Variants in C12orf56 observed in about 807,000 individuals in gnomAD.
C12orf56 encodes uncharacterized protein C12orf56.
Under a neutral mutation model 69.9 loss-of-function variants are expected in C12orf56, and 71 were observed. That is an observed-to-expected ratio of 1.02 (90% CI 0.84 to 1.24). The LOEUF is 1.24. Among genes scored for constraint, C12orf56 ranks in the 50% most tolerant of loss-of-function variants. The probability of loss-of-function intolerance (pLI) is 0.00; values close to 1 mark genes in which losing one functional copy is unlikely to be tolerated. For missense variants in C12orf56, 732 were observed against 738.5 expected, an observed-to-expected ratio of 0.99 and a Z score of 0.10; for synonymous variants, 276 against 274.1, an observed-to-expected ratio of 1.01 and a Z score of -0.07.
At chr12:64,307,368 C>CTTCT (rs1555188019) in intron 5 of C12orf56, among the ~76,000 whole-genome samples, 4 of 115,264 alleles carry the variant, frequency 3.5e-5, no homozygotes, top group Non-Finnish European at 5.1e-5. Flanking sequence ...ATAGTCAGTC[C>CTTCT]TTTTTTTTTT....
intron 11 of C12orf56, among the ~76,000 whole-genome samples, chr12:64,272,916 C>G (rs1865796): frequency 0.99 from 150,106 of 152,302 alleles, 74,009 homozygotes; most frequent in Middle Eastern, 1. Flanking sequence ...TCTGACAAGA[C>G]AGTCTAGATC....
At chr12:64,362,264 G>A (rs1327148364) in intron 1 of C12orf56, among the ~76,000 whole-genome samples, 1 of 152,036 alleles carries the variant, frequency 6.6e-6, no homozygotes, top group Non-Finnish European at 1.5e-5. Context: ...GTAATATTTG[G>A]CCTAAGACTT....
chr12:64,379,579 C>T (rs188137244), intron 1 of C12orf56, among the ~76,000 whole-genome samples: 16 of 151,782 alleles, frequency 1.1e-4, no homozygotes, highest in African/African-American at 3.6e-4. Flanking sequence ...AGCCACCGCG[C>T]CCAGCCTGAA....
At chr12:64,338,901 A>C in intron 2 of C12orf56, 1 of 562,910 alleles carries the variant, frequency 1.8e-6, no homozygotes, top group Non-Finnish European at 3.3e-6. Flanking sequence ...GGTTTCCTTT[A>C]CTTTTTGAGA....
In C12orf56 at chr12:64,324,576, G is replaced by A. The variant is rs535658765; in HGVS notation, c.489-5596C>T. 3.9e-4 allele frequency among the ~76,000 whole-genome samples: 59 copies of A among 152,338 alleles called. 2 individuals carry two copies. The highest frequency in any genetic ancestry group is 3.3e-3 in the Admixed American group (51 of 15,298). The stretch of plus-strand genomic sequence containing the variant: ...TTTGCAGTGCTCCAACTATTGAGAT[G>A]AACAAGAGAAGTAAGAGGTGAAGCT... On this transcript the variant is annotated intron_variant, in intron 3 of 12. Coordinates refer to ENST00000543942, the MANE Select transcript of C12orf56 (RefSeq NM_001170633.2).
intron 5 of C12orf56, 26 bp from the exon 6 acceptor site, chr12:64,303,805 A>G (rs1319042937): frequency 5.1e-6 from 8 of 1,555,296 alleles, no homozygotes; most frequent in Middle Eastern, 1.7e-4. Context: ...AAAATTTTCC[A>G]CTTAAAAAAA....
chr12:64,330,910 A>C (rs1457547672), intron 3 of C12orf56, 50 bp downstream of exon 3: 2 of 1,424,462 alleles, frequency 1.4e-6, no homozygotes, highest in South Asian at 2.7e-5. Flanking sequence ...TTACAATGTA[A>C]AAATGTTTTG....
At chr12:64,388,075 T>G (rs371966829) in intron 1 of C12orf56, among the ~76,000 whole-genome samples, 42 of 152,040 alleles carry the variant, frequency 2.8e-4, no homozygotes, top group African/African-American at 9.9e-4. Context: ...GCTCAAGTGA[T>G]CCTCCTGCCT....
intron 1 of C12orf56, among the ~76,000 whole-genome samples, chr12:64,388,764 G>A (rs755503787): frequency 7.2e-5 from 11 of 152,162 alleles, no homozygotes; most frequent in Non-Finnish European, 1.6e-4. Flanking sequence ...GGCTGATGTG[G>A]GAGGATCGCT....
chr12:64,358,479 A>ATCATCATCATC (rs1565773423), intron 1 of C12orf56, among the ~76,000 whole-genome samples: 1,272 of 24,984 alleles, frequency 0.051, 22 homozygotes, highest in African/African-American at 0.075. Context: ...TAATAATAAT[A>ATCATCATCATC]ATAATCATCA....
In C12orf56 at chr12:64,390,377, G is replaced by A. The variant is rs373092906; in HGVS notation, c.189C>T (p.Thr63=). 2 of 1,613,154 alleles carry A rather than the reference G, an allele frequency of 1.2e-6. No individual in the cohort carries two copies. Among genetic ancestry groups the A allele is most frequent in the Middle Eastern group, 3.3e-4 (2 of 6,058 alleles). Residue 63 remains threonine (T), a synonymous_variant, in exon 1 of 13, where the codon ACC becomes ACT. Transcript: ENST00000543942. ...VVLSDRLVYL[T]ENPPKSIRRV... The stretch of plus-strand genomic sequence containing the variant: ...GCCGGATGGACTTGGGCGGGTTCTC[G>A]GTTAGGTAGACGAGCCGGTCGCTTA...
At chr12:64,386,954 C>T (rs867183707) in intron 1 of C12orf56, among the ~76,000 whole-genome samples, 95 of 151,532 alleles carry the variant, frequency 6.3e-4, no homozygotes, top group Non-Finnish European at 1.3e-4. Context: ...TGGTGCGTGC[C>T]TGTAGTCCCA....
intron 2 of C12orf56, among the ~76,000 whole-genome samples, chr12:64,340,464 A>G (rs2136883042): frequency 6.6e-6 from 1 of 152,224 alleles, no homozygotes; most frequent in Middle Eastern, 3.4e-3. Flanking sequence ...ATCATACATA[A>G]CCTTCAAATA....
At chr12:64,378,535 G>A (rs1373257117) in intron 1 of C12orf56, among the ~76,000 whole-genome samples, 1 of 152,050 alleles carries the variant, frequency 6.6e-6, no homozygotes, top group African/African-American at 2.4e-5. Context: ...CCAGGTTCAA[G>A]AGATTCTCAT....
intron 2 of C12orf56, among the ~76,000 whole-genome samples, chr12:64,345,003 G>A (rs1642417875): frequency 6.6e-6 from 1 of 152,114 alleles, no homozygotes; most frequent in South Asian, 2.1e-4. Flanking sequence ...AATAAATTCA[G>A]CCTGATCCAA....
At chr12:64,308,280 C>T (rs2038542135) in intron 5 of C12orf56, among the ~76,000 whole-genome samples, 1 of 152,090 alleles carries the variant, frequency 6.6e-6, no homozygotes, top group Admixed American at 6.6e-5. Flanking sequence ...CAAGATCATG[C>T]CACTGTACTA....
intron 2 of C12orf56, among the ~76,000 whole-genome samples, chr12:64,346,132 A>C (rs2039138179): frequency 6.6e-6 from 1 of 152,132 alleles, no homozygotes; most frequent in South Asian, 2.1e-4. Context: ...TACATATACA[A>C]AGGGGAGTTT....
chr12:64,305,375 TTTTG>T (rs530711045), intron 5 of C12orf56, among the ~76,000 whole-genome samples: 4 of 152,012 alleles, frequency 2.6e-5, no homozygotes, highest in South Asian at 2.1e-4. Context: ...GTGCTGGGTT[TTTTG>T]TTTGTTTGTT....
At chr12:64,283,961 G>T (rs950951744) in intron 8 of C12orf56, among the ~76,000 whole-genome samples, 10 of 146,466 alleles carry the variant, frequency 6.8e-5, no homozygotes, top group Admixed American at 6.3e-4. Context: ...GCAATGGTGT[G>T]ATCTCAGCTC....
Sources: allele counts gnomAD v4.1 joint callset (sites outside exome capture counted in the v4.1 genomes callset), GRCh38; gene constraint gnomAD v4.1.1; transcripts MANE v1.5; gene names NCBI Gene and HGNC (gene_info 2026-07-23, HGNC 2026-07-21).